Variants in LRRC4C observed in about 807,000 individuals in gnomAD.
The protein encoded by LRRC4C is leucine-rich repeat-containing protein 4C.
In LRRC4C, 5 loss-of-function variants were observed where a neutral mutation model predicts 33.6. That is an observed-to-expected ratio of 0.15 (90% CI 0.08 to 0.31). The LOEUF (loss-of-function observed/expected upper bound fraction) is 0.31, where lower values mean the gene tolerates loss of function less well. Ranked by LOEUF, LRRC4C falls within the 10% of genes least tolerant of loss-of-function variation. The pLI, the probability that LRRC4C is intolerant of heterozygous loss-of-function variation, is 1.00. For missense variants in LRRC4C, 560 were observed against 796.7 expected, an observed-to-expected ratio of 0.70 and a Z score of 3.58; for synonymous variants, 329 against 302.0, an observed-to-expected ratio of 1.09 and a Z score of -0.93.
At chr11:40,981,116 C>A (rs930697587) in intron 1 of LRRC4C, among the ~76,000 whole-genome samples, 1 of 152,064 alleles carries the variant, frequency 6.6e-6, no homozygotes, top group African/African-American at 2.4e-5. Flanking sequence ...ATATATGTGG[C>A]TGAAAAATCT....
At chr11:40,379,587 T>C (rs1413004285) in intron 3 of LRRC4C, among the ~76,000 whole-genome samples, 1 of 152,172 alleles carries the variant, frequency 6.6e-6, no homozygotes, top group African/African-American at 2.4e-5. Context: ...TGGTTAGGAA[T>C]ATTGGAGAAG....
intron 5 of LRRC4C, among the ~76,000 whole-genome samples, chr11:40,168,991 T>C (rs1312734837): frequency 6.6e-6 from 1 of 152,174 alleles, no homozygotes; most frequent in Non-Finnish European, 1.5e-5. Context: ...AGTTTTTTTT[T>C]CCTTCTAATT....
At chr11:41,201,177 A>G (rs1415246109) in intron 1 of LRRC4C, among the ~76,000 whole-genome samples, 1 of 152,194 alleles carries the variant, frequency 6.6e-6, no homozygotes, top group East Asian at 1.9e-4. Context: ...GTGGGTTGAA[A>G]AGTTTAAATG....
At chr11:41,258,614 G>A (rs1419414462) in intron 1 of LRRC4C, among the ~76,000 whole-genome samples, 1 of 151,596 alleles carries the variant, frequency 6.6e-6, no homozygotes, top group East Asian at 1.9e-4. Context: ...TATAAATATT[G>A]AGAACAAGAG....
At chr11:40,816,638 A>T (rs959775119) in intron 2 of LRRC4C, among the ~76,000 whole-genome samples, 5 of 152,252 alleles carry the variant, frequency 3.3e-5, no homozygotes, top group African/African-American at 1.2e-4. Context: ...TTAGCATTAT[A>T]CTCGTGGATA....
At chr11:41,135,223 G>A (rs1943204376) in intron 1 of LRRC4C, among the ~76,000 whole-genome samples, 1 of 152,038 alleles carries the variant, frequency 6.6e-6, no homozygotes, top group Non-Finnish European at 1.5e-5. Flanking sequence ...ATTTTGCAAA[G>A]TTTTGGCTGT....
At chr11:41,184,348 C>T (rs1391365984) in intron 1 of LRRC4C, among the ~76,000 whole-genome samples, 1 of 152,066 alleles carries the variant, frequency 6.6e-6, no homozygotes, top group African/African-American at 2.4e-5. Flanking sequence ...TAACAGCACC[C>T]ATGTCACCTG....
intron 3 of LRRC4C, among the ~76,000 whole-genome samples, chr11:40,337,105 T>C (rs1315791338): frequency 6.9e-6 from 1 of 145,132 alleles, no homozygotes; most frequent in African/African-American, 2.6e-5. Flanking sequence ...CTGAAGAAAC[T>C]CATGTACAGC....
intron 1 of LRRC4C, among the ~76,000 whole-genome samples, chr11:41,060,811 A>C (rs1937703156): frequency 6.6e-6 from 1 of 152,206 alleles, no homozygotes; most frequent in African/African-American, 2.4e-5. Flanking sequence ...TTTAAGCCAG[A>C]CAAATTAGAG....
At chr11:41,208,958 G>A (rs976317752) in intron 1 of LRRC4C, among the ~76,000 whole-genome samples, 30 of 152,058 alleles carry the variant, frequency 2.0e-4, no homozygotes, top group African/African-American at 7.0e-4. Context: ...CAACCCCCGT[G>A]GGTTTGGAGT....
intron 1 of LRRC4C, among the ~76,000 whole-genome samples, chr11:41,073,120 G>A (rs1000456231): frequency 6.6e-6 from 1 of 152,088 alleles, no homozygotes; most frequent in African/African-American, 2.4e-5. Context: ...GTCATAGTCT[G>A]TTTTGTGTTA....
chr11:41,225,271 T>C (rs1947479295), intron 1 of LRRC4C, among the ~76,000 whole-genome samples: 1 of 152,120 alleles, frequency 6.6e-6, no homozygotes, highest in Admixed American at 6.6e-5. Flanking sequence ...TTTAACTGTA[T>C]ATTTTAAAAT....
At chr11:41,445,173 A>T (rs373371411) in intron 1 of LRRC4C, among the ~76,000 whole-genome samples, 1 of 152,182 alleles carries the variant, frequency 6.6e-6, no homozygotes, top group Non-Finnish European at 1.5e-5. Context: ...GAAGAAAGGA[A>T]GATTTAACAT....
intron 2 of LRRC4C, among the ~76,000 whole-genome samples, chr11:40,828,473 T>G (rs1952264041): frequency 6.6e-6 from 1 of 151,846 alleles, no homozygotes; most frequent in Non-Finnish European, 1.5e-5. Context: ...TTTATATATA[T>G]TTAGATAATA....
chr11:41,240,215 C>T (rs1164069908), intron 1 of LRRC4C, among the ~76,000 whole-genome samples: 12 of 152,190 alleles, frequency 7.9e-5, no homozygotes, highest in Admixed American at 7.2e-4. Context: ...GGCTATTAGG[C>T]TAAATTAGCT....
At chr11:40,160,372 C>T (rs903459687) in intron 5 of LRRC4C, among the ~76,000 whole-genome samples, 5 of 152,016 alleles carry the variant, frequency 3.3e-5, no homozygotes, top group Admixed American at 2.6e-4. Context: ...GGATCCGGTA[C>T]CTCATCACAA....
At chr11:40,588,963 G>C (rs1958900869) in intron 3 of LRRC4C, among the ~76,000 whole-genome samples, 1 of 152,112 alleles carries the variant, frequency 6.6e-6, no homozygotes, top group Admixed American at 6.5e-5. Context: ...GTTGATTTGG[G>C]GTGGAGAGTT....
Position 40,473,301 on chromosome 11 carries a change from C to T in LRRC4C, c.-269-153580G>A, listed in dbSNP as rs11530049. Among the ~76,000 whole-genome samples, 1,051 of 152,288 alleles carry T rather than the reference C, an allele frequency of 6.9e-3. 24 individuals carry two copies. The East Asian group carries it at 0.073, about 11-fold the overall frequency. On this transcript the variant is annotated intron_variant, in intron 3 of 6. Coordinates refer to ENST00000528697, the MANE Select transcript of LRRC4C (RefSeq NM_001258419.2). The stretch of plus-strand genomic sequence containing the variant: ...TGGGATGCAAGGCTGGTTCAACATA[C>T]ATAAATCGATAAATGTAATCCATCA...
At chr11:40,605,904 G>C (rs1037778909) in intron 3 of LRRC4C, among the ~76,000 whole-genome samples, 3 of 152,068 alleles carry the variant, frequency 2.0e-5, no homozygotes, top group Non-Finnish European at 2.9e-5. Context: ...CTTTTTGAGG[G>C]GCTGCACTAG....
Sources: allele counts gnomAD v4.1 joint callset (sites outside exome capture counted in the v4.1 genomes callset), GRCh38; gene constraint gnomAD v4.1.1; transcripts MANE v1.5; gene names NCBI Gene and HGNC (gene_info 2026-07-23, HGNC 2026-07-21).